MYO1D: variants seen among roughly 807,000 people sequenced by gnomAD.
MYO1D encodes the protein unconventional myosin-Id.
Under a neutral mutation model 122.0 loss-of-function variants are expected in MYO1D, and 83 were observed. The ratio of observed to expected loss-of-function variants is 0.68; its 90% CI spans 0.57 to 0.82. The LOEUF (loss-of-function observed/expected upper bound fraction) is 0.82, where lower values mean the gene tolerates loss of function less well. MYO1D is among the 40% of genes least tolerant of loss of function. MYO1D has a pLI of 0.00. For synonymous variants in MYO1D, 464 were observed against 446.9 expected, an observed-to-expected ratio of 1.04 and a Z score of -0.48; for missense variants, 1,157 against 1,269.5, an observed-to-expected ratio of 0.91 and a Z score of 1.35.
At chr17:32,749,173 T>C (rs957319523) in intron 11 of MYO1D, among the ~76,000 whole-genome samples, 167 bp from the exon 12 acceptor site, 9 of 152,330 alleles carry the variant, frequency 5.9e-5, no homozygotes, top group Admixed American at 5.9e-4. Context: ...AAACTTTCAC[T>C]AGAAATCCAC....
At chr17:32,573,561 C>T (rs1448946749) in intron 21 of MYO1D, among the ~76,000 whole-genome samples, 1 of 151,970 alleles carries the variant, frequency 6.6e-6, no homozygotes, top group Non-Finnish European at 1.5e-5. Flanking sequence ...GGTCTGTTAC[C>T]GAGGCTGGAG....
chr17:32,748,014 G>C (rs1433554185), intron 12 of MYO1D, among the ~76,000 whole-genome samples: 3 of 152,060 alleles, frequency 2.0e-5, no homozygotes, highest in Non-Finnish European at 2.9e-5. Context: ...GTGTGGCCCT[G>C]CTGACATCTT....
intron 1 of MYO1D, among the ~76,000 whole-genome samples, chr17:32,795,954 C>A (rs559078369): frequency 6.6e-6 from 1 of 152,094 alleles, no homozygotes; most frequent in Non-Finnish European, 1.5e-5. Context: ...CTTCACACCA[C>A]CTCATGTTGT....
chr17:32,703,136 C>T lies in MYO1D; in HGVS notation c.2121+8852G>A, dbSNP rs575559270. On this transcript the variant is annotated intron_variant, in intron 16 of 21. Transcript: ENST00000318217. ...TTAACTACACTGGAAGAGCTGTTTC[C>T]ATTCCTAGAGCTACAATCAAAGCTA... Among the ~76,000 whole-genome samples, 9 of 152,252 alleles carry T rather than the reference C, an allele frequency of 5.9e-5. No individual in the cohort carries two copies. The East Asian group carries it at 1.4e-3, about 23-fold the overall frequency.
chr17:32,638,979 T>C, intron 19 of MYO1D, 144 bp from the exon 20 acceptor site: 1 of 568,414 alleles, frequency 1.8e-6, no homozygotes, highest in Non-Finnish European at 3.2e-6. Context: ...GGAGTAGCTG[T>C]TCCCATACTT....
Position 32,780,681 on chromosome 17 carries a change from T to C in MYO1D, c.199A>G (p.Lys67Glu). ...GGTCTCTCATACAGCTCACGGCCTT[T>C]ATACTGCTCAATTGTGTCTCTTCCA... ...IYGRDTIEQY[K>E]GRELYERPPH... is the part of the protein sequence containing the mutation. The change falls in exon 2 of 22, where the codon AAA (lysine) becomes GAA (glutamate). Residue 67 changes from lysine (K) to glutamate (E), a missense_variant. Transcript: ENST00000318217. 1.2e-6 allele frequency: 2 copies of C among 1,614,214 alleles called. No homozygotes were observed. The highest frequency in any genetic ancestry group is 2.2e-5 in the South Asian group (2 of 91,086).
intron 21 of MYO1D, among the ~76,000 whole-genome samples, chr17:32,516,924 A>G (rs1909912735): frequency 6.6e-6 from 1 of 152,218 alleles, no homozygotes; most frequent in Non-Finnish European, 1.5e-5. Context: ...CACTTCCACC[A>G]TCCTCTCCAG....
At chr17:32,807,444 T>G (rs1312911618) in intron 1 of MYO1D, among the ~76,000 whole-genome samples, 1 of 152,218 alleles carries the variant, frequency 6.6e-6, no homozygotes, top group Non-Finnish European at 1.5e-5. Flanking sequence ...CTTGTCTGTA[T>G]GTGATATATA....
chr17:32,615,868 A>G (rs1433899198), intron 20 of MYO1D, among the ~76,000 whole-genome samples: 2 of 152,232 alleles, frequency 1.3e-5, no homozygotes, highest in Non-Finnish European at 2.9e-5. Context: ...TTTATTTTGC[A>G]GAGATTTGTG....
chr17:32,616,727 A>T (rs1336355657), intron 20 of MYO1D, among the ~76,000 whole-genome samples: 1 of 152,182 alleles, frequency 6.6e-6, no homozygotes, highest in Non-Finnish European at 1.5e-5. Context: ...TCCCATAGAA[A>T]GATAGAGGTC....
At chr17:32,689,470 A>G (rs903294590) in intron 16 of MYO1D, among the ~76,000 whole-genome samples, 2 of 152,214 alleles carry the variant, frequency 1.3e-5, no homozygotes, top group Admixed American at 6.5e-5. Context: ...AACAAAAACT[A>G]CTGAATAAAA....
chr17:32,853,267 T>G (rs1462704931), intron 1 of MYO1D, among the ~76,000 whole-genome samples: 1 of 152,240 alleles, frequency 6.6e-6, no homozygotes, highest in Non-Finnish European at 1.5e-5. Context: ...TACTTCCAGC[T>G]TCAGTCATGT....
In MYO1D at chr17:32,573,998, G is replaced by A. The variant is rs559441745; in HGVS notation, c.2864+31089C>T. On this transcript the variant is annotated intron_variant, in intron 21 of 21. Transcript: ENST00000318217. ...CTCCTGCGTAGCTGGGACTACAGGC[G>A]CCCGCCACCTCGCCCGGCTAATTTT... Among the ~76,000 whole-genome samples, 11 of 152,162 alleles carry A rather than the reference G, an allele frequency of 7.2e-5. No homozygotes were observed. In the South Asian group the frequency reaches 1.9e-3, roughly 26 times the overall value.
chr17:32,532,643 G>A (rs551910770), intron 21 of MYO1D, among the ~76,000 whole-genome samples: 22 of 149,916 alleles, frequency 1.5e-4, no homozygotes, highest in African/African-American at 5.4e-4. Context: ...GGAGAATGGC[G>A]TGAACCTGGG....
At chr17:32,703,829 A>G (rs1323393513) in intron 16 of MYO1D, among the ~76,000 whole-genome samples, 1 of 152,184 alleles carries the variant, frequency 6.6e-6, no homozygotes, top group Non-Finnish European at 1.5e-5. Flanking sequence ...TTAAAACTAC[A>G]GTCTTCTTTC....
chr17:32,721,002 C>G (rs1294931679), intron 15 of MYO1D, 21 bp downstream of exon 15: 2 of 1,607,702 alleles, frequency 1.2e-6, no homozygotes, highest in Non-Finnish European at 1.7e-6. Flanking sequence ...AACTAGGCCT[C>G]TCTGACGAGT....
intron 21 of MYO1D, among the ~76,000 whole-genome samples, chr17:32,585,594 G>A (rs2087379528): frequency 6.6e-6 from 1 of 152,096 alleles, no homozygotes; most frequent in Non-Finnish European, 1.5e-5. Context: ...GCCAGGTGTG[G>A]TAGCGGGCGC....
intron 16 of MYO1D, among the ~76,000 whole-genome samples, chr17:32,711,055 G>A (rs148402052): frequency 6.3e-4 from 96 of 152,208 alleles, no homozygotes; most frequent in African/African-American, 2.1e-3. Context: ...TTTCACCTAG[G>A]TATATATCCC....
chr17:32,855,065 C>G (rs569924997), intron 1 of MYO1D, among the ~76,000 whole-genome samples: 2 of 152,268 alleles, frequency 1.3e-5, no homozygotes, highest in South Asian at 4.1e-4. Flanking sequence ...TTGGTTCCAT[C>G]CCCATTGGCT....
Sources: allele counts gnomAD v4.1 joint callset (sites outside exome capture counted in the v4.1 genomes callset), GRCh38; gene constraint gnomAD v4.1.1; transcripts MANE v1.5; gene names NCBI Gene and HGNC (gene_info 2026-07-23, HGNC 2026-07-21).